The following RYR1 variants were observed in gnomAD, a reference collection of about 807,000 sequenced individuals.
RYR1 encodes the protein ryanodine receptor 1.
RYR1 carries 342 observed loss-of-function variants against 583.5 expected under a neutral mutation model. The observed-to-expected ratio is 0.59, with a 90% CI of 0.54 to 0.64. The LOEUF is 0.64. Ranked by LOEUF, RYR1 falls within the 30% of genes least tolerant of loss-of-function variation. RYR1 has a pLI of 0.00. For synonymous variants in RYR1, 2,791 were observed against 2,822.5 expected, an observed-to-expected ratio of 0.99 and a Z score of 0.35; for missense variants, 6,032 against 6,917.2, an observed-to-expected ratio of 0.87 and a Z score of 4.54.
intron 37 of RYR1, 57 bp from the exon 38 acceptor site, chr19:38,492,433 A>C: frequency 6.3e-7 from 1 of 1,597,232 alleles, no homozygotes; most frequent in Non-Finnish European, 8.6e-7. Flanking sequence ...TGAGTGTGTA[A>C]GCAGGTGAAT....
chr19:38,558,143 T>C (rs1348469617), intron 89 of RYR1, among the ~76,000 whole-genome samples: 4 of 150,850 alleles, frequency 2.7e-5, no homozygotes, highest in African/African-American at 9.8e-5. Flanking sequence ...ACCTTGTCTC[T>C]ACAAAAAAAC....
At chr19:38,557,270 C>CT (rs1286727141) in intron 89 of RYR1, among the ~76,000 whole-genome samples, 2 of 152,112 alleles carry the variant, frequency 1.3e-5, no homozygotes, top group Non-Finnish European at 2.9e-5. Flanking sequence ...TGAGTACCTA[C>CT]TGTGTGTCAG....
chr19:38,502,361 T>A (rs1970162469), intron 47 of RYR1, 146 bp from the exon 48 acceptor site: 1 of 725,004 alleles, frequency 1.4e-6, no homozygotes, highest in African/African-American at 1.8e-5. Flanking sequence ...GGGCATAGGG[T>A]GGGAGGAGGG....
intron 27 of RYR1, among the ~76,000 whole-genome samples, chr19:38,473,140 G>A (rs200387575): frequency 1.3e-5 from 2 of 152,048 alleles, no homozygotes; most frequent in South Asian, 2.1e-4. Flanking sequence ...GTGTGTGTCC[G>A]GGGCTGCTAG....
In RYR1 at chr19:38,543,648, T is replaced by A. The variant is rs1230561247; in HGVS notation, c.11895T>A (p.Thr3965=). ...CTAAGCAGGTGTTCAACAGCCTCAC[T>A]GAGTACATCCAGGTAGGGCGCTCCC... ...SVAKQVFNSL[T]EYIQGPCTGN... Residue 3965 remains threonine (T), a synonymous_variant, in exon 86 of 106, where the codon ACT becomes ACA. Transcript: ENST00000359596. The surrounding 1 kb of genome is among the most constrained non-coding windows in gnomAD (Gnocchi z 4.4). The A allele has an allele frequency of 2.5e-6, 4 of 1,614,010 alleles. No homozygotes were observed. Among genetic ancestry groups the A allele is most frequent in the Non-Finnish European group, 3.4e-6 (4 of 1,180,028 alleles).
intron 89 of RYR1, among the ~76,000 whole-genome samples, chr19:38,559,092 ATAAG>A (rs780433243): frequency 4.9e-4 from 74 of 152,324 alleles, no homozygotes; most frequent in South Asian, 1.4e-3. Flanking sequence ...CTCCGTCTCA[ATAAG>A]TAAGTAAGTA....
chr19:38,485,479 G>A (rs1228637017), intron 33 of RYR1, 111 bp from the exon 34 acceptor site: 6 of 1,444,856 alleles, frequency 4.2e-6, no homozygotes, highest in African/African-American at 2.8e-5. Context: ...AAGGAAAGAC[G>A]AATGAATAAA....
At chr19:38,547,205 A>AT (rs1204178433) in intron 88 of RYR1, among the ~76,000 whole-genome samples, 12,882 of 123,580 alleles carry the variant, frequency 0.1, 789 homozygotes, top group South Asian at 0.26. Flanking sequence ...CACCTGGCTA[A>AT]TTTTTTTTTT....
intron 7 of RYR1, among the ~76,000 whole-genome samples, chr19:38,445,879 A>G (rs1972916885): frequency 9.1e-6 from 1 of 110,468 alleles, no homozygotes; most frequent in Non-Finnish European, 2.0e-5. Flanking sequence ...AGCCCCAGCT[A>G]CTTGGGAGGC....
At chr19:38,460,330 C>A in intron 19 of RYR1, 45 bp from the exon 20 acceptor site, 2 of 1,555,826 alleles carry the variant, frequency 1.3e-6, no homozygotes, top group South Asian at 1.1e-5. Flanking sequence ...CAGACTGTCC[C>A]CCATAACCTC....
rs1973377944 is a variant in RYR1, at chr19:38,565,611, T to G, written c.13277T>G (p.Val4426Gly). The change falls in exon 91 of 106, where the codon GTG (valine) becomes GGG (glycine). Residue 4426 changes from valine (V) to glycine (G), a missense_variant. Around this residue, in one of 11 missense-constraint regions of RYR1, gnomAD observed 753 missense variants for 759.6 expected, o/e 0.99. Transcript: ENST00000359596. The surrounding 1 kb of genome is among the most constrained non-coding windows in gnomAD (Gnocchi z 4.7). ...AEGAGDEEEA[V>G]HEAGPGGADG... is the part of the protein sequence containing the mutation. The stretch of plus-strand genomic sequence containing the variant: ...GGCGCTGGAGACGAGGAGGAGGCGG[T>G]GCACGAGGCCGGGCCGGGCGGTGCC... 1.0e-5 allele frequency: 15 copies of G among 1,434,694 alleles called. No individual in the cohort carries two copies. The highest frequency in any genetic ancestry group is 1.5e-5 in the African/African-American group (1 of 66,898). The allele number at this position is 1,434,694 out of a possible 1,614,324, so 88.9% of individuals were successfully genotyped here.
chr19:38,565,502 G>A lies in RYR1; in HGVS notation c.13168G>A (p.Glu4390Lys), dbSNP rs1413644550. The A allele has an allele frequency of 1.1e-5, 16 of 1,504,786 alleles. No homozygotes were observed. In the East Asian group the frequency reaches 1.1e-4, roughly 10 times the overall value. 93.2% of individuals were successfully genotyped at this position (1,504,786 alleles called of 1,614,324 possible). The change falls in exon 91 of 106, where the codon GAG becomes AAG. Residue 4390 changes from glutamate to lysine, a missense_variant. Glu to Lys is a moderately conservative substitution (Grantham distance 56, BLOSUM62 1). This residue lies in a region of RYR1 where 753 missense variants were observed against 759.6 expected (regional missense o/e 0.99). Transcript: ENST00000359596. This position sits in a 1 kb window ranked among gnomAD's most constrained non-coding sequence, Gnocchi z 4.7. ...AGGCATGCCCGACCCCACCAGCGAC[G>A]AGGTGCACGGCGAGCAGCCGGCCGG... Reference protein sequence around the residue: ...LAGMPDPTSDEVHGEQPAGPG... With the variant: ...LAGMPDPTSDKVHGEQPAGPG...
At chr19:38,535,431 G>C in intron 81 of RYR1, 39 bp downstream of exon 81, 1 of 1,483,488 alleles carries the variant, frequency 6.7e-7, no homozygotes, top group South Asian at 1.1e-5. Flanking sequence ...AGCTGTGTTT[G>C]GTGCCACTGC....
intron 60 of RYR1, 105 bp from the exon 61 acceptor site, chr19:38,511,456 T>TGTCTTCTCTGTCCCTGTCTCCTC (rs1970720554): frequency 5.0e-6 from 6 of 1,208,978 alleles, no homozygotes; most frequent in Non-Finnish European, 7.3e-6. Flanking sequence ...CCTCTCTCCT[T>TGTCTTCTCTGTCCCTGTCTCCTC]GTCTTCTCTG....
rs540726783 is a variant in RYR1 at position 38,535,922 on chromosome 19, G to C, written c.11517-75G>C. 1.9e-5 allele frequency: 26 copies of C among 1,344,376 alleles called. No homozygotes were observed. The East Asian group carries it at 6.1e-4, about 31-fold the overall frequency. 83.3% of individuals were successfully genotyped at this position (1,344,376 alleles called of 1,614,324 possible). Reference sequence around the variant, plus strand: ...TGGCTCTCCAGGCTACCATGGTGGGGAGCTGCCAGGCCCTGGGAGAGAGGA... The same window carrying C: ...TGGCTCTCCAGGCTACCATGGTGGGCAGCTGCCAGGCCCTGGGAGAGAGGA... On this transcript the variant is annotated intron_variant, in intron 81 of 105. Coordinates refer to ENST00000359596, the MANE Select transcript of RYR1 (RefSeq NM_000540.3).
intron 2 of RYR1, among the ~76,000 whole-genome samples, chr19:38,441,806 G>T (rs1336421881): frequency 2.6e-5 from 4 of 151,968 alleles, no homozygotes; most frequent in African/African-American, 9.7e-5. Flanking sequence ...GGAGTTGGAC[G>T]GTGGGAGACT....
chr19:38,474,852 C>T (rs1008026803), intron 28 of RYR1, among the ~76,000 whole-genome samples: 2 of 151,900 alleles, frequency 1.3e-5, no homozygotes, highest in South Asian at 2.1e-4. Flanking sequence ...GGATTGAAAA[C>T]CCATTGTGTC....
chr19:38,535,005 G>A (rs1375609603), intron 79 of RYR1, 136 bp from the exon 80 acceptor site: 13 of 1,042,604 alleles, frequency 1.2e-5, no homozygotes, highest in East Asian at 5.1e-5. Context: ...CTTCAATCAC[G>A]ATCACCCCTG....
rs552469297 is a variant in RYR1 at position 38,456,375 on chromosome 19, G to A, written c.1791+624G>A. ...CAGCTCACTGCAACCTCTGCTTCCC[G>A]GGTTCAAGCAATTCTCCTGCCTCAG... On this transcript the variant is annotated intron_variant, in intron 16 of 105. Coordinates refer to ENST00000359596, the MANE Select transcript of RYR1 (RefSeq NM_000540.3). Among the ~76,000 whole-genome samples, 18 of 146,578 alleles carry A rather than the reference G, an allele frequency of 1.2e-4. No homozygotes were observed. The East Asian group carries it at 2.4e-3, about 20-fold the overall frequency.
Sources: allele counts gnomAD v4.1 joint callset (sites outside exome capture counted in the v4.1 genomes callset), GRCh38; gene constraint gnomAD v4.1.1; regional missense constraint gnomAD v4.1.1; non-coding constraint Gnocchi (gnomAD v3.1); transcripts MANE v1.5; gene names NCBI Gene and HGNC (gene_info 2026-07-23, HGNC 2026-07-21).